Variants in SHANK2 observed in about 807,000 individuals in gnomAD.
SHANK2 encodes SH3 and multiple ankyrin repeat domains protein 2.
In SHANK2, 43 loss-of-function variants were observed where a neutral mutation model predicts 133.7. That is an observed-to-expected ratio of 0.32 (90% CI 0.25 to 0.41). The LOEUF (loss-of-function observed/expected upper bound fraction) is 0.41. Among genes scored for constraint, SHANK2 ranks in the 10% least tolerant of loss-of-function variants. The pLI is 1.00. For synonymous variants in SHANK2, 1,017 were observed against 952.8 expected (o/e 1.07, Z -1.24); for missense variants, 1,994 against 2,235.8 (o/e 0.89, Z 2.18).
chr11:70,662,070 G>T (rs1287351727), intron 15 of SHANK2: 1 of 485,058 alleles, frequency 2.1e-6, no homozygotes, highest in South Asian at 2.0e-5. Flanking sequence ...CCTCAGCAGC[G>T]GCGGCGTCGG....
rs182425309 is a variant in SHANK2, at chr11:70,599,155, A to G, written c.2061+60673T>C. Among the ~76,000 whole-genome samples, 872 of 152,316 alleles carry G rather than the reference A, an allele frequency of 5.7e-3. 10 individuals carry two copies. The highest frequency in any genetic ancestry group is 0.02 in the African/African-American group (849 of 41,562). On this transcript the variant is annotated intron_variant, in intron 17 of 25. Coordinates refer to ENST00000601538, the MANE Select transcript of SHANK2 (RefSeq NM_012309.5). Reference sequence around the variant, plus strand: ...AAGTGGCTGGATAAAATAAAAATCAATATACCAAAGCCAGCCATATTTCTA... The same window carrying G: ...AAGTGGCTGGATAAAATAAAAATCAGTATACCAAAGCCAGCCATATTTCTA...
intron 9 of SHANK2, among the ~76,000 whole-genome samples, chr11:71,064,117 T>A (rs1176301915): frequency 2.0e-5 from 3 of 152,136 alleles, no homozygotes; most frequent in Non-Finnish European, 2.9e-5. Flanking sequence ...AGAAAGCCAC[T>A]CATCGATGCA....
rs1035055295 is a variant in SHANK2 at position 70,807,969 on chromosome 11, T to C, written c.1494-798A>G. 6.6e-6 allele frequency among the ~76,000 whole-genome samples: 1 copy of C among 152,076 alleles called. No homozygotes were observed. The highest frequency in any genetic ancestry group is 1.5e-5 in the Non-Finnish European group (1 of 68,026). Reference sequence around the variant, plus strand: ...GAGGGCCCGAGAGCAGTCAGATTCATGGACACAGAAAGTAGAATGGCGGGT... The same window carrying C: ...GAGGGCCCGAGAGCAGTCAGATTCACGGACACAGAAAGTAGAATGGCGGGT... On this transcript the variant is annotated intron_variant, in intron 12 of 25. Coordinates refer to ENST00000601538, the MANE Select transcript of SHANK2 (RefSeq NM_012309.5). This position sits in a 1 kb window ranked among gnomAD's most constrained non-coding sequence, Gnocchi z 4.8.
rs78105090 is a variant in SHANK2, at chr11:70,833,819, T to G, written c.1175-13137A>C. Among the ~76,000 whole-genome samples the G allele has an allele frequency of 5.3e-3, 814 of 152,348 alleles. 3 individuals carry two copies. Among genetic ancestry groups the G allele is most frequent in the Admixed American group, 0.011 (171 of 15,310 alleles). ...GAGGTCCTGACAGGCATTCTCAGTC[T>G]CTCTGGGCAGCTCAGGTGGCTGCAG... On this transcript the variant is annotated intron_variant, in intron 11 of 25. Coordinates refer to ENST00000601538, the MANE Select transcript of SHANK2 (RefSeq NM_012309.5).
intron 14 of SHANK2, among the ~76,000 whole-genome samples, chr11:70,764,680 T>C (rs909407874): frequency 1.3e-5 from 2 of 150,744 alleles, no homozygotes; most frequent in Admixed American, 1.3e-4. Context: ...CACACGTGCA[T>C]CTATCCATCC....
rs1313219781 is a variant in SHANK2 at position 70,896,243 on chromosome 11, G to C, written c.1174+258C>G. ...AGAAACCTTGCAACAGGGACTGTCA[G>C]AATAGATCAGAACATCATCCTTCTA... On this transcript the variant is annotated intron_variant, in intron 11 of 25. Transcript: ENST00000601538. 10 of 385,206 alleles carry C rather than the reference G, an allele frequency of 2.6e-5. No homozygotes were observed. In the East Asian group the frequency reaches 3.8e-4, roughly 15 times the overall value. The allele number at this position is 385,206 out of a possible 1,614,324, so 23.9% of individuals were successfully genotyped here.
chr11:71,200,772 T>C (rs1292597026), intron 2 of SHANK2, among the ~76,000 whole-genome samples: 1 of 151,888 alleles, frequency 6.6e-6, no homozygotes, highest in Non-Finnish European at 1.5e-5. Flanking sequence ...CTTCACACCA[T>C]GGTCAGATGT....
At chr11:70,856,607 G>A (rs185326694) in intron 11 of SHANK2, among the ~76,000 whole-genome samples, 40 of 152,254 alleles carry the variant, frequency 2.6e-4, no homozygotes, top group African/African-American at 9.4e-4. Context: ...ATATATAAAG[G>A]CAACCTTCCC....
chr11:70,566,484 G>GAC (rs2059969543), intron 17 of SHANK2: 1 of 152,118 alleles, frequency 6.6e-6, no homozygotes, highest in African/African-American at 2.4e-5. Context: ...CCAGGGCTGG[G>GAC]ACCACAGTCC....
chr11:70,908,214 G>T (rs1555078350), intron 10 of SHANK2: 1 of 184,154 alleles, frequency 5.4e-6, no homozygotes, highest in Non-Finnish European at 1.2e-5. Flanking sequence ...GGCTGCATGG[G>T]TCTGAGGACT....
chr11:70,594,129 C>T (rs1257707404), intron 17 of SHANK2, among the ~76,000 whole-genome samples: 5 of 152,204 alleles, frequency 3.3e-5, no homozygotes, highest in African/African-American at 1.2e-4. Flanking sequence ...TGTGCCTCAG[C>T]TGACTTTATA....
chr11:70,521,364 C>T (rs2059328137), intron 17 of SHANK2, among the ~76,000 whole-genome samples: 1 of 152,194 alleles, frequency 6.6e-6, no homozygotes, highest in Non-Finnish European at 1.5e-5. Flanking sequence ...ATGCAAATTG[C>T]CACTTGACAT....
intron 3 of SHANK2, among the ~76,000 whole-genome samples, chr11:71,136,044 C>T (rs569878215): frequency 4.2e-4 from 64 of 152,158 alleles, no homozygotes; most frequent in Non-Finnish European, 6.3e-4. Flanking sequence ...CTCAGGAGGA[C>T]GCCTACATTC....
At chr11:71,063,137 C>A (rs1387553216) in intron 9 of SHANK2, among the ~76,000 whole-genome samples, 2 of 151,968 alleles carry the variant, frequency 1.3e-5, no homozygotes, top group African/African-American at 4.8e-5. Context: ...AAATAAAATT[C>A]CCTATTATAA....
intron 2 of SHANK2, among the ~76,000 whole-genome samples, chr11:71,209,251 C>T (rs1167097302): frequency 1.3e-5 from 2 of 152,226 alleles, no homozygotes; most frequent in Admixed American, 1.3e-4. Context: ...AGGAAAACCA[C>T]AGGGCCTTGC....
Position 71,119,013 on chromosome 11 carries a change from G to T in SHANK2, c.227C>A (p.Pro76Gln). Reference protein sequence around the residue: ...LQQTKCIRFNPDATVWVAKQR... With the variant: ...LQQTKCIRFNQDATVWVAKQR... ...CTTTGCAACCCACACTGTGGCATCC[G>T]GGTTAAATCGAATGCATTTCTGCCA... The change falls in exon 4 of 26, where the codon CCG becomes CAG. Residue 76 changes from proline (P) to glutamine (Q), a missense_variant. Pro to Gln is a moderately conservative substitution (Grantham distance 76). Around this residue, in one of 5 missense-constraint regions of SHANK2, gnomAD observed 653 missense variants for 563.4 expected, o/e 1.16. Coordinates refer to ENST00000601538, the MANE Select transcript of SHANK2 (RefSeq NM_012309.5). 6.4e-7 allele frequency: 1 copy of T among 1,551,682 alleles called. No individual in the cohort carries two copies. The highest frequency in any genetic ancestry group is 2.4e-5 in the East Asian group (1 of 40,924).
chr11:71,240,995 A>ATTT (rs1362308082), intron 1 of SHANK2: 1 of 152,252 alleles, frequency 6.6e-6, no homozygotes. Context: ...ATATCAGGAA[A>ATTT]TACCAAGTCT....
chr11:70,567,633 AG>A (rs1311798226), intron 17 of SHANK2, among the ~76,000 whole-genome samples: 12 of 151,816 alleles, frequency 7.9e-5, no homozygotes, highest in Non-Finnish European at 1.5e-4. Context: ...GTCTCACAAA[AG>A]AAAAAAAAAA....
chr11:70,783,707 G>A (rs1555045757), intron 14 of SHANK2, among the ~76,000 whole-genome samples: 1 of 152,152 alleles, frequency 6.6e-6, no homozygotes, highest in African/African-American at 2.4e-5. Context: ...GGTGGGGTTG[G>A]GGGTGCTGGG....
Sources: allele counts gnomAD v4.1 joint callset (sites outside exome capture counted in the v4.1 genomes callset), GRCh38; gene constraint gnomAD v4.1.1; regional missense constraint gnomAD v4.1.1; non-coding constraint Gnocchi (gnomAD v3.1); transcripts MANE v1.5; gene names NCBI Gene and HGNC (gene_info 2026-07-23, HGNC 2026-07-21).